Variants in PUM1 observed in about 807,000 individuals in gnomAD.
PUM1 encodes the protein pumilio homolog 1.
PUM1 carries 13 observed loss-of-function variants against 131.8 expected under a neutral mutation model. The ratio of observed to expected loss-of-function variants is 0.10; its 90% CI spans 0.06 to 0.16. The LOEUF is 0.16. Among genes scored for constraint, PUM1 ranks in the 10% least tolerant of loss-of-function variants. PUM1 has a pLI of 1.00. For synonymous variants in PUM1, 509 were observed against 556.5 expected (o/e 0.91, Z 1.20); for missense variants, 961 against 1,512.4 (o/e 0.64, Z 6.05).
intron 14 of PUM1, among the ~76,000 whole-genome samples, chr1:30,954,897 T>TA (rs998372554): frequency 5.3e-5 from 8 of 149,966 alleles, no homozygotes; most frequent in Admixed American, 4.7e-4. Context: ...ACCCCATCTC[T>TA]AAAAAAAAAT....
At chr1:31,035,239 G>A (rs1643568858) in intron 2 of PUM1, among the ~76,000 whole-genome samples, 1 of 151,820 alleles carries the variant, frequency 6.6e-6, no homozygotes, top group African/African-American at 2.4e-5. Context: ...TTAAAAATAT[G>A]AAAATCAGCC....
chr1:31,022,211 G>C (rs375441577), intron 3 of PUM1, among the ~76,000 whole-genome samples: 1 of 151,964 alleles, frequency 6.6e-6, no homozygotes, highest in Non-Finnish European at 1.5e-5. Flanking sequence ...AAACCTACTG[G>C]GAGATTCATA....
At chr1:30,937,552 A>C (rs1408157000) in intron 20 of PUM1, among the ~76,000 whole-genome samples, 2 of 151,462 alleles carry the variant, frequency 1.3e-5, no homozygotes, top group African/African-American at 2.4e-5. Flanking sequence ...CAAAGTGCTG[A>C]GATTACAGGC....
At position 31,026,290 on chromosome 1, in the gene PUM1, T is replaced by C. The variant is rs568495631; in HGVS notation, c.432+2506A>G. Among the ~76,000 whole-genome samples the C allele has an allele frequency of 2.6e-5, 4 of 152,028 alleles. No homozygotes were observed. The East Asian group carries it at 7.7e-4, about 29-fold the overall frequency. On this transcript the variant is annotated intron_variant, in intron 3 of 21. Transcript: ENST00000426105. ...AAAAAAAGAAAAGGAAAAAAAAGCT[T>C]ATTTTCATTTTTTCTTTTGTGCTGT...
At position 30,953,852 on chromosome 1, in the gene PUM1, C is replaced by T. The variant is rs1262953946; in HGVS notation, c.2453G>A (p.Arg818Gln). The T allele has an allele frequency of 3.1e-6, 5 of 1,614,206 alleles. No homozygotes were observed. Among genetic ancestry groups the T allele is most frequent in the Non-Finnish European group, 4.2e-6 (5 of 1,180,046 alleles). The change falls in exon 15 of 22, where the codon CGA becomes CAA. Residue 818 changes from arginine (R) to glutamine (Q), a missense_variant. Arg to Gln is a conservative substitution (Grantham distance 43). Around this residue, in one of 4 missense-constraint regions of PUM1, gnomAD observed 117 missense variants for 200.7 expected, o/e 0.58. Coordinates refer to ENST00000426105, the MANE Select transcript of PUM1 (RefSeq NM_001020658.2). Reference sequence around the variant, plus strand: ...AGGCATGACATCAGACATTCCATATCGCAAACGAGAGGAAGAGAAAAGAGT... The same window carrying T: ...AGGCATGACATCAGACATTCCATATTGCAAACGAGAGGAAGAGAAAAGAGT... ...SSTLFSSSRL[R>Q]YGMSDVMPSG... is the part of the protein sequence containing the mutation.
chr1:31,031,525 A>T (rs1032812406), intron 2 of PUM1, among the ~76,000 whole-genome samples: 4 of 152,176 alleles, frequency 2.6e-5, no homozygotes, highest in African/African-American at 9.7e-5. Flanking sequence ...GAGGAAACTA[A>T]GGCTCAGAGC....
chr1:30,980,964 ATATAT>A (rs1180139149), intron 8 of PUM1, among the ~76,000 whole-genome samples: 1 of 152,240 alleles, frequency 6.6e-6, no homozygotes, highest in African/African-American at 2.4e-5. Context: ...TAAGAAGCTG[ATATAT>A]TAGTCTATAG....
At chr1:31,030,875 C>T (rs1047974865) in intron 2 of PUM1, among the ~76,000 whole-genome samples, 4 of 152,182 alleles carry the variant, frequency 2.6e-5, no homozygotes, top group African/African-American at 7.2e-5. Context: ...AAATGAGACA[C>T]ACCGTATCAC....
At chr1:31,043,562 G>C (rs1643888170) in intron 2 of PUM1, among the ~76,000 whole-genome samples, 1 of 151,988 alleles carries the variant, frequency 6.6e-6, no homozygotes. Context: ...ACCAAGACTA[G>C]GTTAATGAAC....
At chr1:31,007,645 TTCCA>T (rs1642441564) in intron 3 of PUM1, among the ~76,000 whole-genome samples, 2 of 152,156 alleles carry the variant, frequency 1.3e-5, no homozygotes, top group African/African-American at 4.8e-5. Context: ...CACTAACCTA[TTCCA>T]AGATTTTGGA....
chr1:31,062,614 C>A, intron 1 of PUM1, among the ~76,000 whole-genome samples: 1 of 98,086 alleles, frequency 1.0e-5, no homozygotes, highest in African/African-American at 5.6e-5. Context: ...AGTGAGACTC[C>A]ATCTCAAAAA....
intron 21 of PUM1, among the ~76,000 whole-genome samples, chr1:30,935,298 G>C (rs1433404523): frequency 6.6e-6 from 1 of 152,208 alleles, no homozygotes; most frequent in Non-Finnish European, 1.5e-5. Context: ...CTTCTGGAAA[G>C]GGTCATCACT....
intron 2 of PUM1, among the ~76,000 whole-genome samples, chr1:31,032,939 C>G (rs1643482408): frequency 1.3e-5 from 2 of 151,894 alleles, no homozygotes; most frequent in Non-Finnish European, 1.5e-5. Context: ...AACTCCGTCT[C>G]TACTAAAAAT....
intron 7 of PUM1, among the ~76,000 whole-genome samples, chr1:30,988,517 T>C (rs1252940242): frequency 6.6e-6 from 1 of 152,156 alleles, no homozygotes; most frequent in African/African-American, 2.4e-5. Context: ...CAGCAAACTC[T>C]AAACCAAGAA....
chr1:30,999,354 C>T (rs1018208744), intron 5 of PUM1, among the ~76,000 whole-genome samples: 1 of 152,084 alleles, frequency 6.6e-6, no homozygotes, highest in Non-Finnish European at 1.5e-5. Context: ...CACCTGTAAT[C>T]CCAGCACTTT....
chr1:30,936,575 C>T, intron 21 of PUM1, 68 bp downstream of exon 21: 2 of 1,442,510 alleles, frequency 1.4e-6, no homozygotes, highest in African/African-American at 1.4e-5. Flanking sequence ...ACCCACCCTC[C>T]TTTGTGTTTC....
At chr1:31,001,511 A>G (rs1340320438) in intron 5 of PUM1, among the ~76,000 whole-genome samples, 1 of 152,220 alleles carries the variant, frequency 6.6e-6, no homozygotes, top group Non-Finnish European at 1.5e-5. Context: ...CACAGTTGAA[A>G]GCAATACAGC....
chr1:30,943,441 G>A (rs376104657), intron 18 of PUM1, among the ~76,000 whole-genome samples: 2 of 151,934 alleles, frequency 1.3e-5, no homozygotes, highest in South Asian at 2.1e-4. Flanking sequence ...TAGTAGAGAC[G>A]GGGTTTCACC....
intron 1 of PUM1, among the ~76,000 whole-genome samples, chr1:31,064,015 A>G (rs1215294640): frequency 2.0e-5 from 3 of 152,192 alleles, no homozygotes; most frequent in Non-Finnish European, 4.4e-5. Flanking sequence ...TTTACAAATG[A>G]CACCTTATAA....
Sources: allele counts gnomAD v4.1 joint callset (sites outside exome capture counted in the v4.1 genomes callset), GRCh38; gene constraint gnomAD v4.1.1; regional missense constraint gnomAD v4.1.1; transcripts MANE v1.5; gene names NCBI Gene and HGNC (gene_info 2026-07-23, HGNC 2026-07-21).